Variants in GRM1 observed in about 807,000 individuals in gnomAD.
GRM1 encodes metabotropic glutamate receptor 1.
Under a neutral mutation model 90.9 loss-of-function variants are expected in GRM1, and 33 were observed. The ratio of observed to expected loss-of-function variants is 0.36; its 90% CI spans 0.28 to 0.49. The LOEUF (loss-of-function observed/expected upper bound fraction) is 0.49, where lower values mean the gene tolerates loss of function less well. Among genes scored for constraint, GRM1 ranks in the 20% least tolerant of loss-of-function variants. GRM1 has a pLI of 0.99. For missense variants in GRM1, 1,190 were observed against 1,534.3 expected (o/e 0.78, Z 3.75); for synonymous variants, 700 against 613.2 (o/e 1.14, Z -2.09).
chr6:146,266,597 A>G (rs1781895558), intron 2 of GRM1, among the ~76,000 whole-genome samples: 1 of 152,324 alleles, frequency 6.6e-6, no homozygotes, highest in East Asian at 1.9e-4. Context: ...AGCTTCACTT[A>G]TCTCCAACCA....
At chr6:146,351,895 G>A (rs1437216758) in intron 3 of GRM1, among the ~76,000 whole-genome samples, 2 of 152,298 alleles carry the variant, frequency 1.3e-5, no homozygotes, top group Admixed American at 6.5e-5. Flanking sequence ...CCATGATATA[G>A]GAAGATATTT....
At chr6:146,153,770 C>T (rs1777426099) in intron 1 of GRM1, among the ~76,000 whole-genome samples, 1 of 152,180 alleles carries the variant, frequency 6.6e-6, no homozygotes, top group Non-Finnish European at 1.5e-5. Flanking sequence ...ATATCCTGCA[C>T]ATGCACCCCT....
intron 2 of GRM1, among the ~76,000 whole-genome samples, chr6:146,252,421 T>C (rs1781323829): frequency 6.6e-6 from 1 of 151,704 alleles, no homozygotes; most frequent in Non-Finnish European, 1.5e-5. Context: ...GTGGATCAAT[T>C]AAGGTCAGGA....
intron 5 of GRM1, among the ~76,000 whole-genome samples, chr6:146,379,015 C>T (rs917168536): frequency 6.6e-6 from 1 of 152,120 alleles, no homozygotes; most frequent in African/African-American, 2.4e-5. Flanking sequence ...GTGAGTCAAA[C>T]CTTTTTCCTT....
chr6:146,303,670 C>T (rs1410738628), intron 2 of GRM1, among the ~76,000 whole-genome samples: 3 of 152,110 alleles, frequency 2.0e-5, no homozygotes, highest in African/African-American at 7.2e-5. Flanking sequence ...TCACATGGGC[C>T]GACCTCGTGC....
intron 1 of GRM1, among the ~76,000 whole-genome samples, chr6:146,061,826 A>T (rs1206812200): frequency 6.6e-6 from 1 of 152,140 alleles, no homozygotes; most frequent in East Asian, 1.9e-4. Context: ...AATGGCGATC[A>T]TTAAAAAGTC....
intron 1 of GRM1, among the ~76,000 whole-genome samples, chr6:146,067,383 T>C (rs1431565350): frequency 6.6e-6 from 1 of 152,224 alleles, no homozygotes; most frequent in Non-Finnish European, 1.5e-5. Flanking sequence ...CCAACCACTA[T>C]TATTGTAAAG....
intron 3 of GRM1, among the ~76,000 whole-genome samples, chr6:146,345,483 G>A (rs362866): frequency 0.026 from 3,904 of 152,290 alleles, 181 homozygotes; most frequent in African/African-American, 0.09. Context: ...TCAGAAATAA[G>A]TAGAGCTTTT....
rs551545627 is a variant in GRM1 at position 146,186,629 on chromosome 6, A to G, written c.950+27032A>G. Reference sequence around the variant, plus strand: ...TAGATGTTTTCCTACTGCTTAACTGATAACAGTTTCTTCCCTACGTACTGC... The same window carrying G: ...TAGATGTTTTCCTACTGCTTAACTGGTAACAGTTTCTTCCCTACGTACTGC... On this transcript the variant is annotated intron_variant, in intron 2 of 7. Coordinates refer to ENST00000282753, the MANE Select transcript of GRM1 (RefSeq NM_001278064.2). 2.0e-5 allele frequency among the ~76,000 whole-genome samples: 3 copies of G among 152,342 alleles called. No individual in the cohort carries two copies. The South Asian group carries it at 6.2e-4, about 32-fold the overall frequency.
At chr6:146,354,906 T>C (rs1052566128) in intron 4 of GRM1, among the ~76,000 whole-genome samples, 8 of 152,176 alleles carry the variant, frequency 5.3e-5, no homozygotes, top group Non-Finnish European at 8.8e-5. Flanking sequence ...TATTTTTCCA[T>C]AGTTTTTTTC....
At chr6:146,355,640 C>G (rs558669948) in intron 4 of GRM1, among the ~76,000 whole-genome samples, 1 of 152,220 alleles carries the variant, frequency 6.6e-6, no homozygotes, top group East Asian at 1.9e-4. Flanking sequence ...ACCCAATCAA[C>G]TGACATTCCT....
chr6:146,369,289 T>G (rs1775812324), intron 5 of GRM1, among the ~76,000 whole-genome samples: 1 of 151,944 alleles, frequency 6.6e-6, no homozygotes, highest in South Asian at 2.1e-4. Context: ...AAACTAATTT[T>G]TTAATCTGTT....
chr6:146,355,380 T>A (rs1384929315), intron 4 of GRM1, among the ~76,000 whole-genome samples: 1 of 152,202 alleles, frequency 6.6e-6, no homozygotes, highest in Non-Finnish European at 1.5e-5. Context: ...AACTGGGGGC[T>A]AATAACTCTT....
At position 146,309,161 on chromosome 6, in the gene GRM1, G is replaced by C. The variant is rs1463503181; in HGVS notation, c.1186+4315G>C. ...TGCCTGTAATCTCAGTGCTTTGGGA[G>C]GCTAAGGTGGGCAGATGGCTTGAGG... On this transcript the variant is annotated intron_variant, in intron 3 of 7. Transcript: ENST00000282753. Among the ~76,000 whole-genome samples the C allele has an allele frequency of 2.6e-5, 4 of 152,246 alleles. No individual in the cohort carries two copies. The South Asian group carries it at 6.2e-4, about 24-fold the overall frequency.
At chr6:146,032,576 G>A (rs999906896) in intron 1 of GRM1, among the ~76,000 whole-genome samples, 2 of 152,078 alleles carry the variant, frequency 1.3e-5, no homozygotes, top group African/African-American at 2.4e-5. Context: ...TGATGGGGTC[G>A]CTTATTGGTG....
chr6:146,314,093 G>A (rs71566432), intron 3 of GRM1, among the ~76,000 whole-genome samples: 3 of 92,762 alleles, frequency 3.2e-5, no homozygotes, highest in African/African-American at 1.3e-4. Context: ...TGGAGACAGA[G>A]TCTTGCTCTG....
At chr6:146,124,557 T>C (rs1776123950) in intron 1 of GRM1, among the ~76,000 whole-genome samples, 1 of 152,168 alleles carries the variant, frequency 6.6e-6, no homozygotes, top group African/African-American at 2.4e-5. Context: ...TAAGGTGATA[T>C]ATTGGCAACA....
At chr6:146,126,647 T>A (rs920297538) in intron 1 of GRM1, among the ~76,000 whole-genome samples, 1 of 152,166 alleles carries the variant, frequency 6.6e-6, no homozygotes, top group African/African-American at 2.4e-5. Context: ...ATTGTAATTT[T>A]AATCATTAAG....
rs1411957059 is a variant in GRM1 at position 146,029,344 on chromosome 6, C to CGAAGGG, written c.-168_-163dup. 19 of 661,980 alleles carry CGAAGGG rather than the reference C, an allele frequency of 2.9e-5. No homozygotes were observed. The highest frequency in any genetic ancestry group is 4.1e-5 in the Non-Finnish European group (15 of 368,920). The allele number at this position is 661,980 out of a possible 1,614,324, so 41.0% of individuals were successfully genotyped here. ...GTCGTGGAGGACCCAGAGGAGGAGACGAAGGGGAAGGAGGCGGTGGTGGAG... is the reference window on the plus strand; with the variant it reads ...GTCGTGGAGGACCCAGAGGAGGAGACGAAGGGGAAGGGGAAGGAGGCGGTGGTGGAG... On this transcript the variant is annotated 5_prime_UTR_variant, in exon 1 of 8. Transcript: ENST00000282753.
Sources: allele counts gnomAD v4.1 joint callset (sites outside exome capture counted in the v4.1 genomes callset), GRCh38; gene constraint gnomAD v4.1.1; transcripts MANE v1.5; gene names NCBI Gene and HGNC (gene_info 2026-07-23, HGNC 2026-07-21).